Variants in PRKG1 observed in about 807,000 individuals in gnomAD.
PRKG1 encodes the protein protein kinase cGMP-dependent 1, also known as cGMP-dependent protein kinase 1.
A neutral mutation model predicts 88.1 loss-of-function variants in PRKG1; 35 were observed. That is an observed-to-expected ratio of 0.40 (90% CI 0.30 to 0.53). PRKG1 has a LOEUF of 0.53. Ranked by LOEUF, PRKG1 falls within the 20% of genes least tolerant of loss-of-function variation. The pLI, the probability that PRKG1 is intolerant of heterozygous loss-of-function variation, is 0.59. For synonymous variants in PRKG1, 303 were observed against 292.5 expected (o/e 1.04, Z -0.37); for missense variants, 540 against 839.8 (o/e 0.64, Z 4.41).
At chr10:51,243,410 G>A (rs925511003) in intron 2 of PRKG1, among the ~76,000 whole-genome samples, 5 of 152,178 alleles carry the variant, frequency 3.3e-5, no homozygotes, top group Admixed American at 2.0e-4. Flanking sequence ...TCTTGCCCTG[G>A]TCAGGGTGTA....
intron 7 of PRKG1, chr10:52,062,944 A>C (rs370255991): frequency 3.2e-6 from 2 of 623,952 alleles, no homozygotes; most frequent in Non-Finnish European, 5.8e-6. Context: ...ACTTTGTGCA[A>C]TGATTTTACT....
At chr10:51,292,850 CTTA>C (rs1233760399) in intron 2 of PRKG1, among the ~76,000 whole-genome samples, 2 of 152,102 alleles carry the variant, frequency 1.3e-5, no homozygotes, top group African/African-American at 4.8e-5. Flanking sequence ...TCCTCTGAGA[CTTA>C]TTATGGTTTA....
At chr10:51,621,453 A>G (rs1265459950) in intron 3 of PRKG1, among the ~76,000 whole-genome samples, 1 of 152,112 alleles carries the variant, frequency 6.6e-6, no homozygotes, top group Non-Finnish European at 1.5e-5. Flanking sequence ...TTGTCTCAAG[A>G]TGGCATTTGA....
At position 52,294,866 on chromosome 10, in the gene PRKG1, G is replaced by T. The variant is rs1842349561; in HGVS notation, c.*966G>T. 6.6e-6 allele frequency: 1 copy of T among 152,356 alleles called. No homozygotes were observed. Among genetic ancestry groups the T allele is most frequent in the Non-Finnish European group, 1.5e-5 (1 of 67,962 alleles). The allele number at this position is 152,356 out of a possible 1,614,324, so 9.4% of individuals were successfully genotyped here. On this transcript the variant is annotated 3_prime_UTR_variant, in exon 18 of 18. Coordinates refer to ENST00000373980, the MANE Select transcript of PRKG1 (RefSeq NM_006258.4). ...CAAAAAATAAATAAAAACTATATAG[G>T]TGCTATGTATATCTTTCATCTGTAA...
chr10:51,180,240 A>T (rs1837308912), intron 2 of PRKG1, among the ~76,000 whole-genome samples: 1 of 152,180 alleles, frequency 6.6e-6, no homozygotes, highest in Admixed American at 6.5e-5. Context: ...AGCACTCTTC[A>T]GATCATCCTA....
Position 52,258,226 on chromosome 10 carries a change from T to G in PRKG1, c.1173+6560T>G, listed in dbSNP as rs1841352756. ...AAACCTGCATATGATTTTAGAATAATCACTATAAATCTAGAATGCACTGGG... is the reference window on the plus strand; with the variant it reads ...AAACCTGCATATGATTTTAGAATAAGCACTATAAATCTAGAATGCACTGGG... On this transcript the variant is annotated intron_variant, in intron 10 of 17. Coordinates refer to ENST00000373980, the MANE Select transcript of PRKG1 (RefSeq NM_006258.4). 1.4e-5 allele frequency among the ~76,000 whole-genome samples: 2 copies of G among 138,994 alleles called. 1 individual carries two copies. The allele number at this position is 138,994 out of a possible 152,430, so 91.2% of individuals were successfully genotyped here.
At chr10:51,267,913 A>G (rs1295618256) in intron 2 of PRKG1, among the ~76,000 whole-genome samples, 1 of 152,208 alleles carries the variant, frequency 6.6e-6, no homozygotes, top group Non-Finnish European at 1.5e-5. Context: ...TAACATCCAG[A>G]ATTATCGGGG....
chr10:51,316,015 A>G (rs542232475), intron 2 of PRKG1, among the ~76,000 whole-genome samples: 97 of 152,354 alleles, frequency 6.4e-4, no homozygotes, highest in Non-Finnish European at 1.0e-3. Flanking sequence ...GTTAATCACA[A>G]CAGGATCAAT....
At chr10:51,702,883 C>T (rs541474881) in intron 3 of PRKG1, among the ~76,000 whole-genome samples, 4 of 152,010 alleles carry the variant, frequency 2.6e-5, no homozygotes, top group African/African-American at 4.8e-5. Context: ...TTTGTAGAGA[C>T]GGGGTTTCAC....
Position 51,350,271 on chromosome 10 carries a change from G to T in PRKG1, c.479-117452G>T, listed in dbSNP as rs151172357. On this transcript the variant is annotated intron_variant, in intron 2 of 17. Coordinates refer to ENST00000373980, the MANE Select transcript of PRKG1 (RefSeq NM_006258.4). Reference sequence around the variant, plus strand: ...TGACCTAATGACAAGGCCATTGAAAGCTCAAACATCCCAACTCACTAATAC... The same window carrying T: ...TGACCTAATGACAAGGCCATTGAAATCTCAAACATCCCAACTCACTAATAC... Among the ~76,000 whole-genome samples, 787 of 152,276 alleles carry T rather than the reference G, an allele frequency of 5.2e-3. 4 individuals are homozygous for T. The highest frequency in any genetic ancestry group is 0.014 in the Middle Eastern group (4 of 294).
chr10:52,156,629 A>C (rs1296617996), intron 8 of PRKG1, among the ~76,000 whole-genome samples: 1 of 151,762 alleles, frequency 6.6e-6, no homozygotes, highest in Non-Finnish European at 1.5e-5. Context: ...TATTCACATG[A>C]TAGTTGATAG....
chr10:51,731,709 A>G (rs1842274234), intron 3 of PRKG1, among the ~76,000 whole-genome samples: 2 of 152,202 alleles, frequency 1.3e-5, no homozygotes, highest in Admixed American at 6.5e-5. Context: ...TTGTCTCTCA[A>G]AGGAGAAGTT....
intron 1 of PRKG1, among the ~76,000 whole-genome samples, chr10:51,132,454 CAT>C (rs1220193213): frequency 6.6e-6 from 1 of 152,054 alleles, no homozygotes; most frequent in Non-Finnish European, 1.5e-5. Flanking sequence ...CAACATCTTA[CAT>C]GTTACAAATG....
intron 1 of PRKG1, among the ~76,000 whole-genome samples, chr10:51,119,855 T>C (rs986314329): frequency 3.3e-5 from 5 of 152,078 alleles, no homozygotes; most frequent in African/African-American, 1.2e-4. Flanking sequence ...CTAGAAAAAT[T>C]ATTATTTATG....
chr10:51,435,648 C>T (rs566762364), intron 2 of PRKG1, among the ~76,000 whole-genome samples: 1 of 151,944 alleles, frequency 6.6e-6, no homozygotes, highest in Non-Finnish European at 1.5e-5. Flanking sequence ...TGCTTACTTA[C>T]TCCATTCATT....
intron 2 of PRKG1, among the ~76,000 whole-genome samples, chr10:51,347,857 C>T (rs184555249): frequency 7.2e-5 from 11 of 151,964 alleles, no homozygotes; most frequent in African/African-American, 2.7e-4. Context: ...GTCAGGAGAT[C>T]GAGACCATCC....
chr10:51,492,119 T>A (rs943107849), intron 3 of PRKG1, among the ~76,000 whole-genome samples: 1 of 152,140 alleles, frequency 6.6e-6, no homozygotes, highest in Non-Finnish European at 1.5e-5. Flanking sequence ...GTGTACGTGC[T>A]TAAAAGGGAA....
chr10:51,671,980 G>A (rs1400939560), intron 3 of PRKG1, among the ~76,000 whole-genome samples: 2 of 152,144 alleles, frequency 1.3e-5, no homozygotes, highest in Non-Finnish European at 2.9e-5. Flanking sequence ...TCTGAGGAAG[G>A]ACATAAATTT....
At chr10:51,643,615 T>A (rs1211309545) in intron 3 of PRKG1, among the ~76,000 whole-genome samples, 1 of 152,186 alleles carries the variant, frequency 6.6e-6, no homozygotes, top group African/African-American at 2.4e-5. Context: ...CTAATTGGCA[T>A]AGACTGTGGT....
Sources: gnomAD v4.1 joint callset for allele counts (sites outside exome capture counted in the v4.1 genomes callset) on GRCh38, gnomAD v4.1.1 for gene constraint, MANE v1.5 for transcripts, NCBI Gene and HGNC (gene_info 2026-07-23, HGNC 2026-07-21) for gene names.